The following WDR49 variants were observed in gnomAD, a reference collection of about 807,000 sequenced individuals.
WDR49 encodes WD repeat domain 49, also known as cilia- and flagella-associated protein 337.
In WDR49, 107 loss-of-function variants were observed where a neutral mutation model predicts 119.5. That is an observed-to-expected ratio of 0.90 (90% CI 0.77 to 1.05). WDR49 has a LOEUF of 1.05. WDR49 is among the 50% of genes least tolerant of loss of function. The probability of loss-of-function intolerance (pLI) is 0.00; values close to 1 mark genes in which losing one functional copy is unlikely to be tolerated. For missense variants in WDR49, 1,240 were observed against 1,220.5 expected (o/e 1.02, Z -0.24); for synonymous variants, 425 against 418.8 (o/e 1.01, Z -0.18).
At position 167,575,935 on chromosome 3, in the gene WDR49, T is replaced by C. The variant is rs1577250740; in HGVS notation, c.1492A>G (p.Asn498Asp). Residue 498 changes from asparagine (N) to aspartate (D), a missense_variant, in exon 8 of 19, where the codon AAT becomes GAT. Transcript: ENST00000682715. ...HEKAVTCVLY[N>D]SILKQVISSD... ...ATCATTACCTGCTTCAAGATAGAAT[T>C]GTAAAGAACACAAGTGACTGCTTTC... 6.2e-7 allele frequency: 1 copy of C among 1,614,138 alleles called. No homozygotes were observed. Among genetic ancestry groups the C allele is most frequent in the Non-Finnish European group, 8.5e-7 (1 of 1,179,988 alleles).
intron 9 of WDR49, among the ~76,000 whole-genome samples, chr3:167,558,358 C>T (rs1438746602): frequency 6.6e-6 from 1 of 152,058 alleles, no homozygotes; most frequent in African/African-American, 2.4e-5. Context: ...TATGTAGGTA[C>T]TGAATTTGGA....
rs1192309811 is a variant in WDR49 at position 167,532,975 on chromosome 3, T to G, written c.1957A>C (p.Ser653Arg). 2 of 1,593,364 alleles carry G rather than the reference T, an allele frequency of 1.3e-6. No homozygotes were observed. Among genetic ancestry groups the G allele is most frequent in the Admixed American group, 1.7e-5 (1 of 59,114 alleles). ...CATAGAACAATTTCTCCATCATAAC[T>G]CCCTACACAAGACAGGATGGAGAAT... ...FLPPQTLVTG[S>R]YDGEIVLWNN... Residue 653 changes from serine to arginine, a missense_variant and splice_region_variant, in exon 12 of 19, where the codon AGT becomes CGT. Ser to Arg is a moderately radical substitution (Grantham distance 110). Coordinates refer to ENST00000682715, the MANE Select transcript of WDR49 (RefSeq NM_001366157.1).
intron 18 of WDR49, among the ~76,000 whole-genome samples, chr3:167,487,377 C>T (rs987745284): frequency 6.6e-6 from 1 of 151,972 alleles, no homozygotes; most frequent in African/African-American, 2.4e-5. Flanking sequence ...CAAAAATTAA[C>T]TAAGGTTGAA....
chr3:167,530,918 G>A (rs1348095167), intron 13 of WDR49, among the ~76,000 whole-genome samples, 197 bp downstream of exon 13: 1 of 151,918 alleles, frequency 6.6e-6, no homozygotes, highest in African/African-American at 2.4e-5. Flanking sequence ...ATTAGTAGTG[G>A]GATGTAGTCT....
At chr3:167,596,651 A>G (rs1454388130) in intron 7 of WDR49, among the ~76,000 whole-genome samples, 48 of 141,552 alleles carry the variant, frequency 3.4e-4, no homozygotes, top group African/African-American at 9.9e-4. Context: ...ATTCTCACTC[A>G]TAGGTGGGAA....
intron 5 of WDR49, among the ~76,000 whole-genome samples, chr3:167,610,316 A>C (rs747760870): frequency 1.3e-5 from 2 of 152,146 alleles, no homozygotes; most frequent in African/African-American, 4.8e-5. Context: ...CACTGCCCTG[A>C]AGGGTAAGTC....
intron 6 of WDR49, among the ~76,000 whole-genome samples, chr3:167,603,598 T>C (rs1715884408): frequency 6.6e-6 from 1 of 152,168 alleles, no homozygotes; most frequent in Non-Finnish European, 1.5e-5. Flanking sequence ...GTGTATGCTC[T>C]GTAACTACCC....
At chr3:167,507,623 CA>C (rs999846461) in intron 16 of WDR49, among the ~76,000 whole-genome samples, 38 of 151,712 alleles carry the variant, frequency 2.5e-4, no homozygotes, top group African/African-American at 8.2e-4. Flanking sequence ...TTTTTTTTTC[CA>C]AAACACTCTA....
At position 167,522,005 on chromosome 3, in the gene WDR49, GA is replaced by G. The variant is rs1560266181; in HGVS notation, c.2774+309del. Among the ~76,000 whole-genome samples, 587 of 141,526 alleles carry G rather than the reference GA, an allele frequency of 4.1e-3. 4 individuals are homozygous for G. The highest frequency in any genetic ancestry group is 9.5e-3 in the South Asian group (43 of 4,534). 92.8% of individuals were successfully genotyped at this position (141,526 alleles called of 152,430 possible). A position where few individuals can be genotyped will look rare whatever the true frequency, so the allele number is the denominator to read the frequency against. ...AGATAGATAGATAGATAGATAGATA[GA>G]TAGATAGATAGATTGTTTTTGAAGA... On this transcript the variant is annotated intron_variant, in intron 16 of 18. Transcript: ENST00000682715.
intron 13 of WDR49, among the ~76,000 whole-genome samples, chr3:167,530,168 T>C (rs920505675): frequency 1.3e-5 from 2 of 152,130 alleles, no homozygotes; most frequent in Non-Finnish European, 2.9e-5. Flanking sequence ...TTTTAAACTA[T>C]ACCTTTATTG....
At chr3:167,559,126 C>A (rs986517745) in intron 9 of WDR49, among the ~76,000 whole-genome samples, 1 of 152,140 alleles carries the variant, frequency 6.6e-6, no homozygotes, top group Non-Finnish European at 1.5e-5. Flanking sequence ...CTTCCTCACA[C>A]TAATGACTGC....
chr3:167,495,976 A>G (rs1751341300), intron 18 of WDR49, among the ~76,000 whole-genome samples: 1 of 151,758 alleles, frequency 6.6e-6, no homozygotes, highest in African/African-American at 2.4e-5. Flanking sequence ...AAAATGAAAT[A>G]AATGCATTTT....
chr3:167,625,793 A>G (rs972576967), intron 3 of WDR49, among the ~76,000 whole-genome samples: 7 of 152,038 alleles, frequency 4.6e-5, no homozygotes, highest in African/African-American at 1.7e-4. Flanking sequence ...CACTAGAAAA[A>G]TCAGGGAATG....
intron 2 of WDR49, among the ~76,000 whole-genome samples, chr3:167,642,304 A>T (rs1397530816): frequency 1.3e-5 from 2 of 151,990 alleles, no homozygotes; most frequent in Admixed American, 6.6e-5. Context: ...ATGCAAAAAA[A>T]CTGCAAATAA....
chr3:167,497,073 C>T (rs1018452211), intron 18 of WDR49, among the ~76,000 whole-genome samples: 12 of 152,316 alleles, frequency 7.9e-5, no homozygotes, highest in Middle Eastern at 3.4e-3. Context: ...TCCTACTCAT[C>T]CTTTAAGTCC....
chr3:167,488,744 G>T (rs755617883), intron 18 of WDR49, among the ~76,000 whole-genome samples: 2 of 151,974 alleles, frequency 1.3e-5, no homozygotes, highest in Non-Finnish European at 2.9e-5. Flanking sequence ...ATCCTCTGAA[G>T]GCTTCCCTTT....
chr3:167,618,213 T>C (rs1367757376), intron 5 of WDR49, among the ~76,000 whole-genome samples: 3 of 152,180 alleles, frequency 2.0e-5, no homozygotes, highest in African/African-American at 7.2e-5. Context: ...TAAGAACTAC[T>C]CTAGGAGTCA....
At chr3:167,644,196 A>C (rs1286393140) in intron 2 of WDR49, among the ~76,000 whole-genome samples, 1 of 152,066 alleles carries the variant, frequency 6.6e-6, no homozygotes, top group Non-Finnish European at 1.5e-5. Flanking sequence ...GTATCTATAA[A>C]AGGCACTGCT....
At chr3:167,525,976 G>A (rs1752615334) in intron 15 of WDR49, among the ~76,000 whole-genome samples, 1 of 150,092 alleles carries the variant, frequency 6.7e-6, no homozygotes, top group Non-Finnish European at 1.5e-5. Context: ...GGGACTAATG[G>A]CACTTATATT....
Sources: gnomAD v4.1 joint callset for allele counts (sites outside exome capture counted in the v4.1 genomes callset) on GRCh38, gnomAD v4.1.1 for gene constraint, MANE v1.5 for transcripts, NCBI Gene and HGNC (gene_info 2026-07-23, HGNC 2026-07-21) for gene names.